ZFP14: variants seen among roughly 807,000 people sequenced by gnomAD.
ZFP14 encodes zinc finger protein 14 homolog.
In ZFP14, 22 loss-of-function variants were observed where a neutral mutation model predicts 54.5. The ratio of observed to expected loss-of-function variants is 0.40; its 90% CI spans 0.29 to 0.58. ZFP14 has a LOEUF of 0.58. Among genes scored for constraint, ZFP14 ranks in the 20% least tolerant of loss-of-function variants. ZFP14 has a pLI of 0.39. For synonymous variants in ZFP14, 159 were observed against 204.0 expected, an observed-to-expected ratio of 0.78 and a Z score of 1.88; for missense variants, 470 against 637.8, an observed-to-expected ratio of 0.74 and a Z score of 2.83.
intron 1 of ZFP14, among the ~76,000 whole-genome samples, chr19:36,373,150 G>A (rs1194886414): frequency 6.6e-6 from 1 of 151,776 alleles, no homozygotes; most frequent in South Asian, 2.1e-4. Context: ...GGTAGCACAC[G>A]CCTGTAATCC....
chr19:36,341,952 C>T lies in ZFP14; in HGVS notation c.236-362G>A, dbSNP rs532677466. Among the ~76,000 whole-genome samples the T allele has an allele frequency of 4.0e-5, 6 of 151,498 alleles. No homozygotes were observed. In the South Asian group the frequency reaches 6.3e-4, roughly 16 times the overall value. ...CTGAAAGCTCCGCCTCCCGGGTTCA[C>T]GCCATTCTCCTGCCTCAGCCTCCCA... is the stretch of plus-strand genomic sequence containing the variant. On this transcript the variant is annotated intron_variant, in intron 4 of 4. Transcript: ENST00000270001. The surrounding 1 kb of genome is among the most constrained non-coding windows in gnomAD (Gnocchi z 4.2).
chr19:36,376,117 G>A (rs1212042082), intron 1 of ZFP14, among the ~76,000 whole-genome samples: 4 of 152,228 alleles, frequency 2.6e-5, no homozygotes, highest in South Asian at 4.1e-4. Flanking sequence ...ATGAAATGGT[G>A]AGAACTACAG....
rs2031634273 is a variant in ZFP14, at chr19:36,357,448, TTA to T, written c.235+2985_235+2986del. Among the ~76,000 whole-genome samples, 3 of 152,186 alleles carry T rather than the reference TTA, an allele frequency of 2.0e-5. No homozygotes were observed. In the South Asian group the frequency reaches 6.2e-4, roughly 32 times the overall value. ...ACTGTCCTGTTTCCCTCTAAAAACT[TTA>T]TGATTGTAGCTTTTATATGTAGGTC... is the stretch of plus-strand genomic sequence containing the variant. On this transcript the variant is annotated intron_variant, in intron 4 of 4. Transcript: ENST00000270001.
chr19:36,351,450 G>C (rs1476704750), intron 4 of ZFP14, among the ~76,000 whole-genome samples: 1 of 142,034 alleles, frequency 7.0e-6, no homozygotes, highest in African/African-American at 2.6e-5. Flanking sequence ...AGTGAGCCAG[G>C]ATCCCACCAC....
rs1446809572 is a variant in ZFP14 at position 36,341,372 on chromosome 19, T to C, written c.454A>G (p.Thr152Ala). 5.0e-6 allele frequency: 8 copies of C among 1,613,934 alleles called. No homozygotes were observed. The highest frequency in any genetic ancestry group is 5.1e-6 in the Non-Finnish European group (6 of 1,180,004). ...GTAAGAAAATTGTGCCTTTTGTAAG[T>C]GGTCATTTTTTCAGAGGTAATTTTC... ...QVKITSEKMT[T>A]YKRHNFLTEY... Residue 152 changes from threonine (T) to alanine (A), a missense_variant, in exon 5 of 5, where the codon ACT becomes GCT. Coordinates refer to ENST00000270001, the MANE Select transcript of ZFP14 (RefSeq NM_020917.3). The surrounding 1 kb of genome is among the most constrained non-coding windows in gnomAD (Gnocchi z 4.2).
chr19:36,369,137 C>A (rs1029587681), intron 1 of ZFP14, among the ~76,000 whole-genome samples: 1 of 152,122 alleles, frequency 6.6e-6, no homozygotes, highest in Non-Finnish European at 1.5e-5. Context: ...CCACCGTGCC[C>A]GGCCCCACTT....
intron 1 of ZFP14, among the ~76,000 whole-genome samples, chr19:36,368,999 AATTTTTAT>A (rs896700414): frequency 1.3e-5 from 2 of 151,976 alleles, no homozygotes; most frequent in Non-Finnish European, 1.5e-5. Context: ...ACGCCCAGCT[AATTTTTAT>A]ATTTTTATAT....
Position 36,360,428 on chromosome 19 carries a change from C to T in ZFP14, c.235+7G>A. Reference sequence around the variant, plus strand: ...GATTTCTCAATGCCTGCTCAGCCCTCACTCACCAGGGCAGTATCTTCTTGT... The same window carrying T: ...GATTTCTCAATGCCTGCTCAGCCCTTACTCACCAGGGCAGTATCTTCTTGT... On this transcript the variant is annotated splice_region_variant and intron_variant, in intron 4 of 4. Transcript: ENST00000270001. 1.9e-6 allele frequency: 3 copies of T among 1,610,690 alleles called. No homozygotes were observed. The highest frequency in any genetic ancestry group is 2.7e-5 in the African/African-American group (2 of 75,014).
intron 4 of ZFP14, among the ~76,000 whole-genome samples, chr19:36,349,968 T>A (rs2031497376): frequency 7.6e-6 from 1 of 130,962 alleles, no homozygotes; most frequent in Non-Finnish European, 1.7e-5. Flanking sequence ...GAGACCAGCA[T>A]GGCCAGCATG....
intron 4 of ZFP14, among the ~76,000 whole-genome samples, chr19:36,352,619 G>A (rs1421161294): frequency 1.4e-5 from 2 of 142,390 alleles, no homozygotes; most frequent in Non-Finnish European, 3.1e-5. Context: ...AACACAGTGA[G>A]ACACTGTCTC....
chr19:36,370,229 C>G (rs1341015861), intron 1 of ZFP14, among the ~76,000 whole-genome samples: 1 of 152,162 alleles, frequency 6.6e-6, no homozygotes, highest in Non-Finnish European at 1.5e-5. Flanking sequence ...TGTCACCCCT[C>G]CCCAGCTCAA....
chr19:36,365,499 G>T (rs1261705394), intron 2 of ZFP14, among the ~76,000 whole-genome samples: 1 of 152,128 alleles, frequency 6.6e-6, no homozygotes, highest in East Asian at 1.9e-4. Flanking sequence ...CACTCAGGAT[G>T]GTGCTCTGTT....
In ZFP14 at chr19:36,367,796, G is replaced by A. The variant is rs1043085483; in HGVS notation, c.9+88C>T. 13 of 1,470,992 alleles carry A rather than the reference G, an allele frequency of 8.8e-6. No homozygotes were observed. The African/African-American group carries it at 1.1e-4, about 13-fold the overall frequency. 91.1% of individuals were successfully genotyped at this position (1,470,992 alleles called of 1,614,324 possible). On this transcript the variant is annotated intron_variant, in intron 2 of 4. Coordinates refer to ENST00000270001, the MANE Select transcript of ZFP14 (RefSeq NM_020917.3). ...AGGTTCTTGGATGAAGCTCTGGTAA[G>A]CAGGAAGTTTCAGAATAAAGAATGA...
At position 36,349,869 on chromosome 19, in the gene ZFP14, AGGCTGGGCGTGGT is replaced by A. The variant is rs1390957346; in HGVS notation, c.236-8292_236-8280del. ...AAAGGAATAAAAAAGAACAATAGAT[AGGCTGGGCGTGGT>A]GGCTCACACCTGTAATCCCAACACT... On this transcript the variant is annotated intron_variant, in intron 4 of 4. Coordinates refer to ENST00000270001, the MANE Select transcript of ZFP14 (RefSeq NM_020917.3). Among the ~76,000 whole-genome samples the A allele has an allele frequency of 3.0e-5, 3 of 99,966 alleles. 1 individual carries two copies. Among genetic ancestry groups the A allele is most frequent in the Non-Finnish European group, 6.9e-5 (3 of 43,448 alleles). The allele number at this position is 99,966 out of a possible 152,430, so 65.6% of individuals were successfully genotyped here.
rs1257691414 is a variant in ZFP14 at position 36,334,630 on chromosome 19, A to C, written c.*5594T>G. On this transcript the variant is annotated 3_prime_UTR_variant, in exon 5 of 5. Coordinates refer to ENST00000270001, the MANE Select transcript of ZFP14 (RefSeq NM_020917.3). ...AGCAGGTAGCTACTTTCAGAGCATG[A>C]TATGAGCTGCAAAAAATTGCCCTGA... is the stretch of plus-strand genomic sequence containing the variant. 1 of 152,196 alleles carries C rather than the reference A, an allele frequency of 6.6e-6. No individual in the cohort carries two copies. The highest frequency in any genetic ancestry group is 2.4e-5 in the African/African-American group (1 of 41,438). The allele number at this position is 152,196 out of a possible 1,614,324, so 9.4% of individuals were successfully genotyped here.
At chr19:36,363,189 C>CTTT (rs772799449) in intron 2 of ZFP14, among the ~76,000 whole-genome samples, 208 of 97,736 alleles carry the variant, frequency 2.1e-3, no homozygotes, top group East Asian at 0.013. Flanking sequence ...CTTTTCTTTT[C>CTTT]TTTTTTTTTT....
In ZFP14 at chr19:36,334,816, T is replaced by G. The variant is rs2031161521; in HGVS notation, c.*5408A>C. On this transcript the variant is annotated 3_prime_UTR_variant, in exon 5 of 5. Transcript: ENST00000270001. Reference sequence around the variant, plus strand: ...AGATACACTCAGTTAAATAAAAATGTCTTTACTAAATCTTTGGCAAACTGA... The same window carrying G: ...AGATACACTCAGTTAAATAAAAATGGCTTTACTAAATCTTTGGCAAACTGA... The G allele has an allele frequency of 6.6e-6, 1 of 152,210 alleles. No homozygotes were observed. Among genetic ancestry groups the G allele is most frequent in the Non-Finnish European group, 1.5e-5 (1 of 68,050 alleles). The allele number at this position is 152,210 out of a possible 1,614,324, so 9.4% of individuals were successfully genotyped here.
chr19:36,358,313 G>A (rs191448432), intron 4 of ZFP14, among the ~76,000 whole-genome samples: 86 of 152,120 alleles, frequency 5.7e-4, no homozygotes, highest in Admixed American at 3.5e-3. Flanking sequence ...GTTTCACCAT[G>A]TTGGCCAGGC....
chr19:36,370,800 C>T (rs1247294866), intron 1 of ZFP14, among the ~76,000 whole-genome samples: 1 of 152,248 alleles, frequency 6.6e-6, no homozygotes, highest in African/African-American at 2.4e-5. Context: ...CCAGATGAAC[C>T]TCATTCTGCA....
Sources: allele counts gnomAD v4.1 joint callset (sites outside exome capture counted in the v4.1 genomes callset), GRCh38; gene constraint gnomAD v4.1.1; non-coding constraint Gnocchi (gnomAD v3.1); transcripts MANE v1.5; gene names NCBI Gene and HGNC (gene_info 2026-07-23, HGNC 2026-07-21).